The following GRK1 variants were observed in gnomAD, a reference collection of about 807,000 sequenced individuals.
GRK1 encodes G protein-coupled receptor kinase 1.
Under a neutral mutation model 41.7 loss-of-function variants are expected in GRK1, and 28 were observed. That is an observed-to-expected ratio of 0.67 (90% CI 0.50 to 0.92). The LOEUF is 0.92. GRK1 is among the 40% of genes least tolerant of loss of function. The probability of loss-of-function intolerance (pLI) is 0.00; values close to 1 mark genes in which losing one functional copy is unlikely to be tolerated. For missense variants in GRK1, 703 were observed against 671.2 expected (o/e 1.05, Z -0.52); for synonymous variants, 327 against 286.7 (o/e 1.14, Z -1.42).
At chr13:113,727,874 T>G (rs1392917902) in intron 4 of GRK1, among the ~76,000 whole-genome samples, 40 of 55,042 alleles carry the variant, frequency 7.3e-4, no homozygotes, top group African/African-American at 1.6e-3. Context: ...TGGCGATGAG[T>G]ACCCATTGCG....
intron 6 of GRK1, among the ~76,000 whole-genome samples, chr13:113,733,899 ATG>A (rs1166303291): frequency 4.9e-4 from 22 of 45,240 alleles, no homozygotes; most frequent in East Asian, 2.0e-3. Context: ...GCGTGTGTGT[ATG>A]TGTGCATACA....
rs2049969570 is a variant in GRK1 at position 113,733,825 on chromosome 13, G to GTGTGCATGTGTA, written c.1396+744_1396+745insCATGTGTATGTG. Among the ~76,000 whole-genome samples the GTGTGCATGTGTA allele has an allele frequency of 6.8e-5, 10 of 146,070 alleles. 1 individual carries two copies. Among genetic ancestry groups the GTGTGCATGTGTA allele is most frequent in the Admixed American group, 6.1e-4 (9 of 14,830 alleles). On this transcript the variant is annotated intron_variant, in intron 6 of 6. Transcript: ENST00000335678. ...TATCTGTGTGCATACGTGTGTGCGTGTGTGTGCACGTGCGTGTGCATGTGT... is the reference window on the plus strand; with the variant it reads ...TATCTGTGTGCATACGTGTGTGCGTGTGTGCATGTGTATGTGTGCACGTGCGTGTGCATGTGT...
At chr13:113,649,316 C>G in the GRK1 span, 1 of 1,540,930 alleles carries the variant, frequency 6.5e-7, no homozygotes, top group Non-Finnish European at 8.8e-7. The surrounding 1 kb of genome is among the most constrained non-coding windows in gnomAD (Gnocchi z 4.7). Flanking sequence ...TAAGCCCAAC[C>G]AGGAGGGTGT....
chr13:113,733,651 A>G (rs368232787), intron 6 of GRK1, among the ~76,000 whole-genome samples: 7,039 of 91,636 alleles, frequency 0.077, 714 homozygotes, highest in African/African-American at 0.29. Flanking sequence ...ATGTGTGCAT[A>G]CGTGTGTGTG....
At chr13:113,649,300 G>C in the GRK1 span, 1 of 1,504,370 alleles carries the variant, frequency 6.6e-7, no homozygotes, top group East Asian at 2.5e-5. This position sits in a 1 kb window ranked among gnomAD's most constrained non-coding sequence, Gnocchi z 4.7. Flanking sequence ...GAACTGACGG[G>C]CAAGGTAAGC....
At chr13:113,669,962 C>T (rs1263019941) in intron 2 of GRK1, 148 bp downstream of exon 2, 15 of 981,280 alleles carry the variant, frequency 1.5e-5, no homozygotes, top group Admixed American at 2.8e-5. Context: ...ATCCCCTTCT[C>T]GCTGTTGGTT....
At position 113,667,441 on chromosome 13, in the gene GRK1, C is replaced by T. The variant is rs370713047; in HGVS notation, c.55C>T (p.Arg19Ter). 2.7e-5 allele frequency: 43 copies of T among 1,605,968 alleles called. 1 individual carries two copies. The South Asian group carries it at 4.2e-4, about 16-fold the overall frequency. The change falls in exon 1 of 7, where the codon CGA becomes TGA. Residue 19 changes from arginine to a stop codon, truncating the protein, a stop_gained. Transcript: ENST00000335678. LOFTEE classifies it high-confidence loss of function. The surrounding 1 kb of genome is among the most constrained non-coding windows in gnomAD (Gnocchi z 7.5). ...VVANSAFIAA[R>*]GSFDGSSSQP... ...GGCCAACTCTGCCTTCATCGCCGCC[C>T]GAGGCAGCTTTGACGGCAGCAGCTC...
At chr13:113,726,776 G>C (rs1177171305) in intron 4 of GRK1, among the ~76,000 whole-genome samples, 1 of 152,208 alleles carries the variant, frequency 6.6e-6, no homozygotes, top group Non-Finnish European at 1.5e-5. Context: ...GGCTGTGATC[G>C]TGTGAGCAGT....
upstream of GRK1, among the ~76,000 whole-genome samples, chr13:113,665,300 G>A (rs1441568953): frequency 6.6e-6 from 1 of 152,168 alleles, no homozygotes; most frequent in Non-Finnish European, 1.5e-5. Context: ...CCCTCATGAA[G>A]CTGACAATCC....
At position 113,731,356 on chromosome 13, in the gene GRK1, C is replaced by T. The variant is rs1223230186; in HGVS notation, c.1194+13C>T. 15 of 1,536,286 alleles carry T rather than the reference C, an allele frequency of 9.8e-6. No individual in the cohort carries two copies. Among genetic ancestry groups the T allele is most frequent in the Middle Eastern group, 1.7e-4 (1 of 6,010 alleles). On this transcript the variant is annotated intron_variant, in intron 5 of 6. Coordinates refer to ENST00000335678, the MANE Select transcript of GRK1 (RefSeq NM_002929.3). This position sits in a 1 kb window ranked among gnomAD's most constrained non-coding sequence, Gnocchi z 5.6. The stretch of plus-strand genomic sequence containing the variant: ...CCGTGGAGAGAAGGTAGGAGGCGGC[C>T]GGCAGGTGTCTCTGCAGCCACCTTG...
At chr13:113,734,031 T>TGC (rs2049982445) in intron 6 of GRK1, among the ~76,000 whole-genome samples, 2 of 131,980 alleles carry the variant, frequency 1.5e-5, no homozygotes, top group African/African-American at 3.0e-5. Flanking sequence ...TGCGTGCGTG[T>TGC]GCGTATGTGT....
chr13:113,650,359 A>T, the GRK1 span: 2 of 1,546,428 alleles, frequency 1.3e-6, no homozygotes, highest in African/African-American at 2.7e-5. This position sits in a 1 kb window ranked among gnomAD's most constrained non-coding sequence, Gnocchi z 5.0. Context: ...TAAGTGTGAG[A>T]GGACTCAGCA....
upstream of GRK1, among the ~76,000 whole-genome samples, chr13:113,666,245 G>GTTCACCAGC: frequency 6.6e-6 from 1 of 150,588 alleles, no homozygotes; most frequent in Admixed American, 6.6e-5. Flanking sequence ...TACCCCAGGT[G>GTTCACCAGC]TGTCCCAGCT....
rs971017041 is a variant in GRK1, at chr13:113,735,071, T to A, written c.1400T>A (p.Met467Lys). 3 of 1,511,954 alleles carry A rather than the reference T, an allele frequency of 2.0e-6. No homozygotes were observed. Among genetic ancestry groups the A allele is most frequent in the Admixed American group, 2.0e-5 (1 of 49,936 alleles). The allele number at this position is 1,511,954 out of a possible 1,614,324, so 93.7% of individuals were successfully genotyped here. ...DLNWRQLEAG[M>K]LMPPFIPDSK... ...CTGTGTTTTCTGTCTCCCACAGGGA[T>A]GCTGATGCCCCCTTTCATCCCAGAC... Residue 467 changes from methionine (M) to lysine (K), a missense_variant, in exon 7 of 7, where the codon ATG (methionine) becomes AAG (lysine). Met to Lys is a moderately conservative substitution (Grantham distance 95). Transcript: ENST00000335678.
rs1385664674 is a variant in GRK1 at position 113,736,042 on chromosome 13, TGGGA to T, written c.*682_*685del. The T allele has an allele frequency of 6.6e-6, 1 of 152,314 alleles. No individual in the cohort carries two copies. The highest frequency in any genetic ancestry group is 1.5e-5 in the Non-Finnish European group (1 of 68,146). The allele number at this position is 152,314 out of a possible 1,614,324, so 9.4% of individuals were successfully genotyped here. On this transcript the variant is annotated 3_prime_UTR_variant, in exon 7 of 7. Transcript: ENST00000335678. ...CCAGGCGCAGGCTCTGTTGGGCTGT[TGGGA>T]GGAGGGGAGCGGGTGTGGAGTCTGG...
At chr13:113,734,052 G>A (rs576199104) in intron 6 of GRK1, among the ~76,000 whole-genome samples, 17 of 150,644 alleles carry the variant, frequency 1.1e-4, no homozygotes, top group African/African-American at 3.9e-4. Context: ...GTGTGCATAC[G>A]TGTGTGTGCA....
chr13:113,727,938 G>T (rs1172235688), intron 4 of GRK1, among the ~76,000 whole-genome samples: 1 of 92,754 alleles, frequency 1.1e-5, no homozygotes, highest in African/African-American at 5.1e-5. Flanking sequence ...GAGTACCCAT[G>T]GCGATGAGGA....
At chr13:113,734,014 A>ATGTGTGTGTGCGTGTGTGTGCGTATG (rs553234954) in intron 6 of GRK1, among the ~76,000 whole-genome samples, 1 of 97,324 alleles carries the variant, frequency 1.0e-5, no homozygotes, top group African/African-American at 4.5e-5. Context: ...GTGTGCGTGC[A>ATGTGTGTGTGCGTGTGTGTGCGTATG]TGTGTGTGCG....
chr13:113,653,284 C>T, the GRK1 span: 103 of 1,573,530 alleles, frequency 6.5e-5, 1 homozygote, highest in Middle Eastern at 1.2e-3. Context: ...CTCACCCACC[C>T]GCCGCTTCAC....
Sources: gnomAD v4.1 joint callset for allele counts (sites outside exome capture counted in the v4.1 genomes callset) on GRCh38, gnomAD v4.1.1 for gene constraint, Gnocchi (gnomAD v3.1) non-coding constraint, MANE v1.5 for transcripts, NCBI Gene and HGNC (gene_info 2026-07-23, HGNC 2026-07-21) for gene names.